Variants in LRRC72 observed in about 807,000 individuals in gnomAD.
LRRC72 encodes leucine rich repeat containing 72.
Under a neutral mutation model 35.8 loss-of-function variants are expected in LRRC72, and 41 were observed. The observed-to-expected ratio is 1.15, with a 90% CI of 0.89 to 1.49. The LOEUF (loss-of-function observed/expected upper bound fraction) is 1.49, where lower values mean the gene tolerates loss of function less well. LRRC72 is among the 40% of genes most tolerant of loss of function. The probability of loss-of-function intolerance (pLI) is 0.00; values close to 1 mark genes in which losing one functional copy is unlikely to be tolerated. For synonymous variants in LRRC72, 118 were observed against 119.2 expected (o/e 0.99, Z 0.07); for missense variants, 389 against 330.7 (o/e 1.18, Z -1.37).
chr7:16,540,320 C>G (rs1343766922), intron 3 of LRRC72, among the ~76,000 whole-genome samples: 1 of 152,226 alleles, frequency 6.6e-6, no homozygotes, highest in African/African-American at 2.4e-5. Flanking sequence ...TGGCCAATTT[C>G]TCTCATTTAG....
chr7:16,556,264 T>A (rs142192889), intron 3 of LRRC72, among the ~76,000 whole-genome samples: 1 of 152,338 alleles, frequency 6.6e-6, no homozygotes, highest in Non-Finnish European at 1.5e-5. Flanking sequence ...ACTTCTTCAC[T>A]ATATTGTTAG....
At chr7:16,542,479 G>A (rs1385534793) in intron 3 of LRRC72, among the ~76,000 whole-genome samples, 1 of 152,216 alleles carries the variant, frequency 6.6e-6, no homozygotes, top group East Asian at 1.9e-4. Context: ...AGGAGGTCCT[G>A]ACAACATGGG....
intron 1 of LRRC72, among the ~76,000 whole-genome samples, chr7:16,531,136 T>C (rs1782154102): frequency 6.8e-6 from 1 of 146,254 alleles, no homozygotes; most frequent in African/African-American, 2.6e-5. Flanking sequence ...TGAGCTGAAA[T>C]CACACCACTG....
intron 7 of LRRC72, among the ~76,000 whole-genome samples, chr7:16,573,708 A>G (rs1782988294): frequency 6.6e-6 from 1 of 152,198 alleles, no homozygotes; most frequent in Admixed American, 6.5e-5. Flanking sequence ...CCCTAAAAGA[A>G]AACTTAGGCA....
chr7:16,550,128 A>G (rs1289312857), intron 3 of LRRC72, among the ~76,000 whole-genome samples: 2 of 152,062 alleles, frequency 1.3e-5, no homozygotes, highest in Admixed American at 6.6e-5. Context: ...CTGAGGTGGG[A>G]GGATGCTTGA....
At chr7:16,570,353 C>G (rs572238802) in intron 7 of LRRC72, among the ~76,000 whole-genome samples, 2 of 152,322 alleles carry the variant, frequency 1.3e-5, no homozygotes, top group South Asian at 2.1e-4. Flanking sequence ...GCTCTCCTTA[C>G]TGCCTTCTGG....
At chr7:16,550,753 C>A (rs748616078) in intron 3 of LRRC72, among the ~76,000 whole-genome samples, 3 of 152,152 alleles carry the variant, frequency 2.0e-5, no homozygotes, top group Non-Finnish European at 4.4e-5. Flanking sequence ...CTTTCTCTTT[C>A]CTGCCCTCAC....
chr7:16,550,399 T>C (rs564181178), intron 3 of LRRC72, among the ~76,000 whole-genome samples: 1 of 152,188 alleles, frequency 6.6e-6, no homozygotes, highest in Non-Finnish European at 1.5e-5. Context: ...ATAAATGAGA[T>C]GACAAGTGTA....
intron 2 of LRRC72, 114 bp downstream of exon 2, chr7:16,532,682 A>G (rs1237654284): frequency 2.4e-6 from 2 of 819,428 alleles, no homozygotes; most frequent in South Asian, 1.4e-5. Flanking sequence ...ACTGGGTAGG[A>G]CTCCAATTAT....
chr7:16,558,217 T>C (rs1782684207), intron 4 of LRRC72, among the ~76,000 whole-genome samples: 1 of 152,074 alleles, frequency 6.6e-6, no homozygotes, highest in African/African-American at 2.4e-5. Flanking sequence ...CTAAGTAGCA[T>C]TGACAAGGAA....
intron 3 of LRRC72, among the ~76,000 whole-genome samples, chr7:16,556,298 AAGGT>A (rs1162375385): frequency 6.6e-6 from 1 of 152,230 alleles, no homozygotes; most frequent in African/African-American, 2.4e-5. Flanking sequence ...TAGAAAGGAT[AAGGT>A]GCTGAAGAAA....
At chr7:16,575,781 G>A (rs1318447175) in intron 7 of LRRC72, among the ~76,000 whole-genome samples, 1 of 152,124 alleles carries the variant, frequency 6.6e-6, no homozygotes, top group African/African-American at 2.4e-5. Flanking sequence ...TGGTAGGAAA[G>A]GAGTCTTTAG....
chr7:16,547,669 C>G (rs1782471969), intron 3 of LRRC72, among the ~76,000 whole-genome samples: 1 of 152,236 alleles, frequency 6.6e-6, no homozygotes, highest in Non-Finnish European at 1.5e-5. Flanking sequence ...GCTGTCACAA[C>G]CTGGCTGGGG....
At chr7:16,552,941 C>T (rs570210005) in intron 3 of LRRC72, among the ~76,000 whole-genome samples, 52 of 152,292 alleles carry the variant, frequency 3.4e-4, no homozygotes, top group African/African-American at 1.2e-3. Flanking sequence ...ATTACTTAAC[C>T]TTTCTGTGCC....
Position 16,548,340 on chromosome 7 carries a change from C to G in LRRC72, c.235-9020C>G, listed in dbSNP as rs571163215. Among the ~76,000 whole-genome samples the G allele has an allele frequency of 3.3e-5, 5 of 152,298 alleles. No individual in the cohort carries two copies. In the South Asian group the frequency reaches 1.0e-3, roughly 32 times the overall value. On this transcript the variant is annotated intron_variant, in intron 3 of 8. Coordinates refer to ENST00000401542, the MANE Select transcript of LRRC72 (RefSeq NM_001195280.2). ...AACACAAACAGGGCTGAAAACACAC[C>G]CCTTGCCTGCCACGTTGTGGGTGAC...
At chr7:16,549,821 T>C (rs1406159966) in intron 3 of LRRC72, among the ~76,000 whole-genome samples, 1 of 152,154 alleles carries the variant, frequency 6.6e-6, no homozygotes, top group African/African-American at 2.4e-5. Context: ...CAAAAAGTTA[T>C]AACTGTGTCC....
chr7:16,570,326 C>T (rs1782922182), intron 7 of LRRC72, among the ~76,000 whole-genome samples: 3 of 152,170 alleles, frequency 2.0e-5, no homozygotes, highest in Admixed American at 2.0e-4. Context: ...CAGGTCTTAT[C>T]AGACATGCAA....
chr7:16,576,257 T>G (rs1187775514), intron 7 of LRRC72, among the ~76,000 whole-genome samples: 1 of 152,208 alleles, frequency 6.6e-6, no homozygotes, highest in Non-Finnish European at 1.5e-5. Flanking sequence ...TGTAAATTTT[T>G]AAAATTTATC....
intron 7 of LRRC72, among the ~76,000 whole-genome samples, chr7:16,567,948 G>T (rs989473620): frequency 2.0e-5 from 3 of 152,068 alleles, no homozygotes; most frequent in African/African-American, 7.2e-5. Flanking sequence ...AAGATCATCT[G>T]CAATTCTACC....
Sources: allele counts gnomAD v4.1 joint callset (sites outside exome capture counted in the v4.1 genomes callset), GRCh38; gene constraint gnomAD v4.1.1; transcripts MANE v1.5; gene names NCBI Gene and HGNC (gene_info 2026-07-23, HGNC 2026-07-21).